Variants in SPATA13 observed in about 807,000 individuals in gnomAD.
SPATA13 encodes the protein spermatogenesis-associated protein 13.
SPATA13 carries 50 observed loss-of-function variants against 104.0 expected under a neutral mutation model. That is an observed-to-expected ratio of 0.48 (90% CI 0.38 to 0.61). SPATA13 has a LOEUF of 0.61. Among genes scored for constraint, SPATA13 ranks in the 20% least tolerant of loss-of-function variants. SPATA13 has a pLI of 0.00. For synonymous variants in SPATA13, 606 were observed against 667.5 expected (o/e 0.91, Z 1.42); for missense variants, 1,524 against 1,690.6 (o/e 0.90, Z 1.73).
chr13:24,084,621 T>G (rs1201218304), intron 3 of SPATA13, among the ~76,000 whole-genome samples: 1 of 152,204 alleles, frequency 6.6e-6, no homozygotes, highest in Non-Finnish European at 1.5e-5. Flanking sequence ...TGAGGGTCTC[T>G]GGTGGAGGAC....
intron 1 of SPATA13, among the ~76,000 whole-genome samples, chr13:23,981,227 G>A (rs1174277535): frequency 6.6e-6 from 1 of 151,872 alleles, no homozygotes; most frequent in African/African-American, 2.4e-5. Context: ...AGGTGATTTT[G>A]TCTTACTATG....
chr13:24,137,824 T>G (rs1315542259), intron 3 of SPATA13, among the ~76,000 whole-genome samples: 3 of 152,188 alleles, frequency 2.0e-5, no homozygotes, highest in Non-Finnish European at 2.9e-5. Flanking sequence ...TCTTTGACTA[T>G]TTTATGTGCG....
intron 3 of SPATA13, among the ~76,000 whole-genome samples, chr13:24,134,482 C>T (rs28545144): frequency 0.032 from 4,842 of 152,248 alleles, 204 homozygotes; most frequent in African/African-American, 0.098. Context: ...GAGAGCAGCA[C>T]ATCTCTTTTT....
intron 3 of SPATA13, among the ~76,000 whole-genome samples, chr13:24,021,863 C>T (rs1876987584): frequency 6.6e-6 from 1 of 151,846 alleles, no homozygotes; most frequent in Non-Finnish European, 1.5e-5. Context: ...AGGCGCCCGC[C>T]ACCACGCCTG....
chr13:24,305,323 T>C lies in SPATA13; in HGVS notation c.*2550T>C, dbSNP rs1224006247. On this transcript the variant is annotated 3_prime_UTR_variant, in exon 13 of 13. Coordinates refer to ENST00000382108, the MANE Select transcript of SPATA13 (RefSeq NM_001166271.3). ...TAAGTCAGGTTCAATTCGTTGCCCC[T>C]GTCAGTTTTATAGAGTGTGAGGGTC... 22 of 152,130 alleles carry C rather than the reference T, an allele frequency of 1.4e-4. No individual in the cohort carries two copies. Among genetic ancestry groups the C allele is most frequent in the Non-Finnish European group, 1.5e-5 (1 of 67,982 alleles). 9.4% of individuals were successfully genotyped at this position (152,130 alleles called of 1,614,324 possible).
chr13:24,130,406 G>A (rs1442779184), intron 3 of SPATA13, among the ~76,000 whole-genome samples: 7 of 152,210 alleles, frequency 4.6e-5, no homozygotes, highest in South Asian at 2.1e-4. Flanking sequence ...GGACCCAGCC[G>A]ATTAGAGAGA....
At chr13:24,082,389 T>C (rs981573870) in intron 3 of SPATA13, among the ~76,000 whole-genome samples, 3 of 152,238 alleles carry the variant, frequency 2.0e-5, no homozygotes, top group African/African-American at 4.8e-5. Context: ...CTAGCTGTGA[T>C]GTCTGTGGCG....
At chr13:24,259,168 G>T (rs902575192) in intron 4 of SPATA13, among the ~76,000 whole-genome samples, 6 of 152,208 alleles carry the variant, frequency 3.9e-5, no homozygotes, top group Non-Finnish European at 8.8e-5. Context: ...CTACCTCCTT[G>T]CTAAGCCCAA....
intron 3 of SPATA13, among the ~76,000 whole-genome samples, chr13:24,138,920 G>A (rs1044317079): frequency 2.0e-5 from 3 of 152,028 alleles, no homozygotes; most frequent in African/African-American, 7.2e-5. Flanking sequence ...CCTTCATCTA[G>A]TGGAGTATTA....
chr13:24,089,061 T>C (rs560630893), intron 3 of SPATA13, among the ~76,000 whole-genome samples: 10 of 152,266 alleles, frequency 6.6e-5, no homozygotes, highest in East Asian at 5.8e-4. Context: ...TCAAGACAAC[T>C]CAATTGGCAG....
At chr13:24,034,871 CA>C (rs1877622722) in intron 3 of SPATA13, 1 of 152,266 alleles carries the variant, frequency 6.6e-6, no homozygotes, top group Non-Finnish European at 1.5e-5. Flanking sequence ...GGCACAGCAC[CA>C]CTCTGCCATC....
intron 1 of SPATA13, among the ~76,000 whole-genome samples, chr13:24,176,401 C>T (rs924641673): frequency 8.5e-5 from 13 of 152,286 alleles, no homozygotes; most frequent in Non-Finnish European, 1.5e-4. Context: ...TATTACTTTT[C>T]ATGTAATCTT....
intron 3 of SPATA13, among the ~76,000 whole-genome samples, chr13:24,115,422 T>A (rs1880801982): frequency 6.6e-6 from 1 of 152,250 alleles, no homozygotes; most frequent in South Asian, 2.1e-4. Context: ...CTCTGCCACC[T>A]GTCAGATCAT....
intron 3 of SPATA13, chr13:24,035,119 C>T (rs1337983184): frequency 6.6e-6 from 1 of 152,158 alleles, no homozygotes; most frequent in African/African-American, 2.4e-5. Context: ...AAGAAATTAA[C>T]ATCCTATACT....
At chr13:24,058,710 G>A (rs1199368290) in intron 3 of SPATA13, among the ~76,000 whole-genome samples, 3 of 151,728 alleles carry the variant, frequency 2.0e-5, no homozygotes, top group African/African-American at 4.8e-5. Context: ...GTGAATAATC[G>A]CTAACTATTG....
chr13:24,072,579 C>T (rs138990369), intron 3 of SPATA13, among the ~76,000 whole-genome samples: 57 of 152,282 alleles, frequency 3.7e-4, no homozygotes, highest in Non-Finnish European at 5.4e-4. Flanking sequence ...TGCTCACACA[C>T]AGCTCAGTCC....
chr13:24,199,313 C>T (rs1357547915), intron 1 of SPATA13, among the ~76,000 whole-genome samples: 1 of 152,200 alleles, frequency 6.6e-6, no homozygotes, highest in Admixed American at 6.5e-5. Context: ...AAGACTGAAT[C>T]TTGCTAGATG....
chr13:23,989,421 C>CAA (rs766075797), intron 2 of SPATA13, among the ~76,000 whole-genome samples: 3 of 119,884 alleles, frequency 2.5e-5, no homozygotes, highest in South Asian at 5.3e-4. Context: ...GATTTCATCT[C>CAA]AAAAAAAAAA....
At chr13:24,128,317 T>C (rs1881285767) in intron 3 of SPATA13, among the ~76,000 whole-genome samples, 2 of 152,212 alleles carry the variant, frequency 1.3e-5, no homozygotes, top group African/African-American at 4.8e-5. Context: ...AGAAATGCTC[T>C]GCCAGGTCTG....
Sources: allele counts gnomAD v4.1 joint callset (sites outside exome capture counted in the v4.1 genomes callset), GRCh38; gene constraint gnomAD v4.1.1; transcripts MANE v1.5; gene names NCBI Gene and HGNC (gene_info 2026-07-23, HGNC 2026-07-21).